The following ATXN3 variants were observed in gnomAD, a reference collection of about 807,000 sequenced individuals.
ATXN3 encodes ataxin-3.
Under a neutral mutation model 58.2 loss-of-function variants are expected in ATXN3, and 28 were observed. The observed-to-expected ratio is 0.48, with a 90% confidence interval of 0.36 to 0.66. ATXN3 has a LOEUF of 0.66. Ranked by LOEUF, ATXN3 falls within the 30% of genes least tolerant of loss-of-function variation. ATXN3 has a pLI of 0.00. For missense variants in ATXN3, 321 were observed against 422.1 expected (o/e 0.76, Z 2.10); for synonymous variants, 113 against 138.5 (o/e 0.82, Z 1.29).
At chr14:92,068,591 GT>G (rs1001823741) in intron 10 of ATXN3, among the ~76,000 whole-genome samples, 5 of 149,826 alleles carry the variant, frequency 3.3e-5, no homozygotes, top group Non-Finnish European at 7.4e-5. Flanking sequence ...CAGCTGAATG[GT>G]TTTTTTTTTC....
chr14:92,100,910 T>C (rs1357148527), intron 1 of ATXN3, among the ~76,000 whole-genome samples: 1 of 152,210 alleles, frequency 6.6e-6, no homozygotes, highest in East Asian at 1.9e-4. Flanking sequence ...GAAAAAAGCC[T>C]TTGCTAACAC....
At chr14:92,085,408 A>T (rs1168582870) in intron 6 of ATXN3, among the ~76,000 whole-genome samples, 1 of 151,806 alleles carries the variant, frequency 6.6e-6, no homozygotes, top group Non-Finnish European at 1.5e-5. Context: ...GGCTGGTCTC[A>T]TCAACTCCTG....
At chr14:92,079,187 A>C (rs1209178983) in intron 9 of ATXN3, among the ~76,000 whole-genome samples, 1 of 147,994 alleles carries the variant, frequency 6.8e-6, no homozygotes, top group Non-Finnish European at 1.5e-5. Context: ...CTCCATCTCA[A>C]AAAAAAAAAA....
rs959364981 is a variant in ATXN3 at position 92,047,158 on chromosome 14, G to C, written n.276+738C>G. Among the ~76,000 whole-genome samples the C allele has an allele frequency of 2.0e-5, 3 of 152,242 alleles. No homozygotes were observed. The East Asian group carries it at 5.8e-4, about 29-fold the overall frequency. ...TCCAGGTAAAAGCAAAAGAGGCTGG[G>C]ATGAGTGGTGTAGGGAATAGTGAAA... On this transcript the variant is annotated intron_variant and non_coding_transcript_variant, in intron 2 of 2. Transcript: ENST00000564606.
intron 1 of ATXN3, among the ~76,000 whole-genome samples, chr14:92,101,413 C>CA (rs1428246740): frequency 3.3e-5 from 5 of 152,096 alleles, no homozygotes; most frequent in Non-Finnish European, 5.9e-5. Flanking sequence ...CCACATGGAC[C>CA]AAAAGAATTG....
At chr14:92,099,288 A>AG (rs1388884479) in intron 1 of ATXN3, among the ~76,000 whole-genome samples, 1 of 152,224 alleles carries the variant, frequency 6.6e-6, no homozygotes, top group East Asian at 1.9e-4. Context: ...TCAATTTTCT[A>AG]GGAGCAAAAT....
intron 1 of ATXN3, among the ~76,000 whole-genome samples, chr14:92,100,068 G>A (rs767546866): frequency 2.0e-5 from 3 of 152,156 alleles, no homozygotes; most frequent in Admixed American, 6.5e-5. Flanking sequence ...AGTCATCAGG[G>A]AAATGTAAAT....
chr14:92,047,214 T>C (rs1436549439), intron 2 of ATXN3, among the ~76,000 whole-genome samples: 1 of 151,796 alleles, frequency 6.6e-6, no homozygotes, highest in Non-Finnish European at 1.5e-5. Flanking sequence ...AACGGAATAG[T>C]GAGTTGTGGA....
chr14:92,096,179 G>T, intron 2 of ATXN3, 42 bp from the exon 3 acceptor site: 3 of 1,531,802 alleles, frequency 2.0e-6, no homozygotes, highest in African/African-American at 1.4e-5. Context: ...GTGGGGGTGG[G>T]GAAAGAAGGA....
chr14:92,073,153 G>T (rs1213464778), intron 9 of ATXN3, among the ~76,000 whole-genome samples: 1 of 152,220 alleles, frequency 6.6e-6, no homozygotes, highest in East Asian at 1.9e-4. Context: ...TGACAGGTGA[G>T]ATAGCAATTT....
Position 92,083,160 on chromosome 14 carries a change from T to A in ATXN3, c.574A>T (p.Ile192Phe). The A allele has an allele frequency of 1.2e-6, 2 of 1,613,052 alleles. No individual in the cohort carries two copies. The highest frequency in any genetic ancestry group is 1.7e-6 in the Non-Finnish European group (2 of 1,179,798). ...RVQQMHRPKLIGEELAQLKEQ... is the reference protein window; with the variant it reads ...RVQQMHRPKLFGEELAQLKEQ... ...TTTAGTTGTGCTAATTCTTCTCCAA[T>A]AAGTTTTGGTCGATGCATCTGTTGG... is the stretch of plus-strand genomic sequence containing the variant. Residue 192 changes from isoleucine to phenylalanine, a missense_variant, in exon 7 of 11, where the codon ATT becomes TTT. Coordinates refer to ENST00000644486, the MANE Select transcript of ATXN3 (RefSeq NM_004993.6).
chr14:92,051,972 G>T (rs989568146), upstream of ATXN3, among the ~76,000 whole-genome samples: 8 of 151,256 alleles, frequency 5.3e-5, no homozygotes, highest in African/African-American at 1.7e-4. Flanking sequence ...TGATGCACCC[G>T]CCTTGGCCTC....
chr14:92,069,252 G>T (rs535658858), intron 10 of ATXN3, among the ~76,000 whole-genome samples: 1 of 150,882 alleles, frequency 6.6e-6, no homozygotes, highest in Admixed American at 6.6e-5. Context: ...TGTATTTTTA[G>T]TAGAGATGGG....
chr14:92,076,520 A>G, intron 9 of ATXN3, among the ~76,000 whole-genome samples: 1 of 152,066 alleles, frequency 6.6e-6, no homozygotes, highest in East Asian at 1.9e-4. Context: ...TTTTTAAAAA[A>G]TTTTAAGTAA....
At chr14:92,106,352 T>C (rs2068383419) in intron 1 of ATXN3, among the ~76,000 whole-genome samples, 177 bp downstream of exon 1, 1 of 150,762 alleles carries the variant, frequency 6.6e-6, no homozygotes, top group Admixed American at 6.6e-5. Flanking sequence ...AGTAGGGGCG[T>C]AGGTGATGCT....
intron 9 of ATXN3, among the ~76,000 whole-genome samples, chr14:92,074,468 T>C (rs536855091): frequency 1.6e-4 from 25 of 152,356 alleles, no homozygotes; most frequent in African/African-American, 6.0e-4. Context: ...CCAGACTTCA[T>C]GTTCCCATCT....
intron 10 of ATXN3, among the ~76,000 whole-genome samples, chr14:92,068,405 T>G (rs1355410723): frequency 1.8e-4 from 27 of 152,162 alleles, no homozygotes. Flanking sequence ...GGTTGCCTCT[T>G]TTGGCTAGAG....
In ATXN3 at chr14:92,076,939, C is replaced by CAAAAA. The variant is rs1157708694; in HGVS notation, c.872+4021_872+4025dup. ...TGGGTGACAGAGTGAGATTTCGTCT[C>CAAAAA]AAAAAAAAAAAAAAAAAAAAGTCTG... On this transcript the variant is annotated intron_variant, in intron 9 of 10. Coordinates refer to ENST00000644486, the MANE Select transcript of ATXN3 (RefSeq NM_004993.6). Among the ~76,000 whole-genome samples, 400 of 59,772 alleles carry CAAAAA rather than the reference C, an allele frequency of 6.7e-3. 15 individuals are homozygous for CAAAAA. Among genetic ancestry groups the CAAAAA allele is most frequent in the African/African-American group, 0.023 (364 of 15,904 alleles). The allele number at this position is 59,772 out of a possible 152,430, so 39.2% of individuals were successfully genotyped here. A position where few individuals can be genotyped will look rare whatever the true frequency, so the allele number is the denominator to read the frequency against.
At chr14:92,083,652 T>G in intron 6 of ATXN3, 1 of 335,932 alleles carries the variant, frequency 3.0e-6, no homozygotes, top group South Asian at 2.7e-5. Context: ...ACTTCCTAGC[T>G]GCATTTGTCT....
Sources: allele counts gnomAD v4.1 joint callset (sites outside exome capture counted in the v4.1 genomes callset), GRCh38; gene constraint gnomAD v4.1.1; transcripts MANE v1.5; gene names NCBI Gene and HGNC (gene_info 2026-07-23, HGNC 2026-07-21).